FGF10: variants seen among roughly 807,000 people sequenced by gnomAD.
The protein encoded by FGF10 is fibroblast growth factor 10.
A neutral mutation model predicts 19.8 loss-of-function variants in FGF10; 2 were observed. The ratio of observed to expected loss-of-function variants is 0.10; its 90% CI spans 0.04 to 0.32. The LOEUF (loss-of-function observed/expected upper bound fraction) is 0.32, where lower values mean the gene tolerates loss of function less well. FGF10 is among the 10% of genes least tolerant of loss of function. The probability of loss-of-function intolerance (pLI) is 1.00; values close to 1 mark genes in which losing one functional copy is unlikely to be tolerated. For synonymous variants in FGF10, 112 were observed against 94.0 expected (o/e 1.19, Z -1.10); for missense variants, 191 against 246.3 (o/e 0.78, Z 1.50).
At chr5:44,387,736 G>A (rs1450326008) in intron 1 of FGF10, among the ~76,000 whole-genome samples, 2 of 151,410 alleles carry the variant, frequency 1.3e-5, no homozygotes, top group Non-Finnish European at 2.9e-5. Context: ...ACTAACATAA[G>A]GGACCCAAAA....
At position 44,305,224 on chromosome 5, in the gene FGF10, A is replaced by G. The variant is rs200054156; in HGVS notation, c.430-32T>C. On this transcript the variant is annotated intron_variant, in intron 2 of 2. Coordinates refer to ENST00000264664, the MANE Select transcript of FGF10 (RefSeq NM_004465.2). ...AGGAAAAACAGAATCTTTTATTCCTATGGTGATTGTACTTGATTTCATTTG... is the reference window on the plus strand; with the variant it reads ...AGGAAAAACAGAATCTTTTATTCCTGTGGTGATTGTACTTGATTTCATTTG... 2.7e-5 allele frequency: 43 copies of G among 1,587,562 alleles called. No individual in the cohort carries two copies. In the African/African-American group the frequency reaches 4.6e-4, roughly 17 times the overall value.
chr5:44,305,213 C>G lies in FGF10; in HGVS notation c.430-21G>C, dbSNP rs201506766. ...TCTTTCTGCAAAGGAAAAACAGAAT[C>G]TTTTATTCCTATGGTGATTGTACTT... On this transcript the variant is annotated intron_variant, in intron 2 of 2. Coordinates refer to ENST00000264664, the MANE Select transcript of FGF10 (RefSeq NM_004465.2). 5 of 1,601,822 alleles carry G rather than the reference C, an allele frequency of 3.1e-6. No homozygotes were observed. The South Asian group carries it at 3.3e-5, about 11-fold the overall frequency.
intron 1 of FGF10, among the ~76,000 whole-genome samples, chr5:44,354,594 C>A (rs907592176): frequency 6.6e-6 from 1 of 151,420 alleles, no homozygotes; most frequent in African/African-American, 2.4e-5. Context: ...AACTTTCTAT[C>A]CTGCTCAGAA....
chr5:44,316,710 G>A (rs1413700394), intron 1 of FGF10, among the ~76,000 whole-genome samples: 1 of 152,138 alleles, frequency 6.6e-6, no homozygotes, highest in African/African-American at 2.4e-5. Flanking sequence ...TTTAAACAAT[G>A]TGGAAAATTA....
Position 44,382,833 on chromosome 5 carries a change from G to C in FGF10, c.325+5525C>G, listed in dbSNP as rs527338877. Reference sequence around the variant, plus strand: ...AAAATAGATTTATAATTTCTGGAAGGAAAATTCTAATATTTTACTTATATT... The same window carrying C: ...AAAATAGATTTATAATTTCTGGAAGCAAAATTCTAATATTTTACTTATATT... On this transcript the variant is annotated intron_variant, in intron 1 of 2. Transcript: ENST00000264664. Among the ~76,000 whole-genome samples, 9 of 152,080 alleles carry C rather than the reference G, an allele frequency of 5.9e-5. No homozygotes were observed. The South Asian group carries it at 1.9e-3, about 32-fold the overall frequency.
intron 1 of FGF10, among the ~76,000 whole-genome samples, chr5:44,339,126 A>C (rs1455219170): frequency 6.6e-6 from 1 of 152,204 alleles, no homozygotes; most frequent in Non-Finnish European, 1.5e-5. Flanking sequence ...GAAAATTTCC[A>C]AAATATCTAA....
At chr5:44,331,378 A>G (rs189889596) in intron 1 of FGF10, among the ~76,000 whole-genome samples, 140 of 152,202 alleles carry the variant, frequency 9.2e-4, no homozygotes, top group Non-Finnish European at 1.6e-3. Context: ...ACATCCATAA[A>G]CTTCATGTGA....
chr5:44,315,753 A>G (rs1740331654), intron 1 of FGF10, among the ~76,000 whole-genome samples: 1 of 152,022 alleles, frequency 6.6e-6, no homozygotes, highest in Non-Finnish European at 1.5e-5. Flanking sequence ...CAGTGTCCTA[A>G]GTTCATCTAT....
rs1740005747 is a variant in FGF10, at chr5:44,303,486, A to G, written c.*1509T>C. 1 of 152,190 alleles carries G rather than the reference A, an allele frequency of 6.6e-6. No homozygotes were observed. The allele number at this position is 152,190 out of a possible 1,614,324, so 9.4% of individuals were successfully genotyped here. A position where few individuals can be genotyped will look rare whatever the true frequency, so the allele number is the denominator to read the frequency against. On this transcript the variant is annotated 3_prime_UTR_variant, in exon 3 of 3. Coordinates refer to ENST00000264664, the MANE Select transcript of FGF10 (RefSeq NM_004465.2). ...ACTATTATAGTTATTGCTTAAAAGT[A>G]TTTAGAACAAATAGTATTTTTCTAC...
intron 2 of FGF10, among the ~76,000 whole-genome samples, chr5:44,306,764 CT>C (rs887775321): frequency 2.6e-5 from 4 of 152,270 alleles, no homozygotes; most frequent in African/African-American, 9.6e-5. Context: ...TTAAATGCTT[CT>C]CTTCTATAAA....
intron 1 of FGF10, among the ~76,000 whole-genome samples, chr5:44,348,337 G>T (rs879585257): frequency 2.0e-5 from 3 of 151,618 alleles, no homozygotes; most frequent in Admixed American, 6.6e-5. Context: ...TTACTAATGG[G>T]ATAGTCTTGC....
chr5:44,315,197 A>C (rs79053451), intron 1 of FGF10, among the ~76,000 whole-genome samples: 2 of 142,130 alleles, frequency 1.4e-5, no homozygotes, highest in Admixed American at 1.4e-4. Context: ...AAAAAAAAAA[A>C]CCAGAAAGAA....
chr5:44,311,204 A>T (rs1027263230), intron 1 of FGF10, among the ~76,000 whole-genome samples: 1 of 152,000 alleles, frequency 6.6e-6, no homozygotes, highest in Non-Finnish European at 1.5e-5. Flanking sequence ...AAAAATGGAA[A>T]ATCGAGGGAA....
intron 1 of FGF10, among the ~76,000 whole-genome samples, chr5:44,366,991 G>T (rs1021212607): frequency 6.6e-6 from 1 of 151,878 alleles, no homozygotes; most frequent in African/African-American, 2.4e-5. Flanking sequence ...ATGTCTTCAG[G>T]CAGTTTGGCA....
chr5:44,380,444 T>C (rs1741959909), intron 1 of FGF10, among the ~76,000 whole-genome samples: 2 of 152,236 alleles, frequency 1.3e-5, no homozygotes, highest in South Asian at 4.1e-4. Flanking sequence ...CAAAAATTCC[T>C]AGTAAAGGCA....
At chr5:44,311,845 T>C (rs968691856) in intron 1 of FGF10, among the ~76,000 whole-genome samples, 3 of 152,128 alleles carry the variant, frequency 2.0e-5, no homozygotes, top group Non-Finnish European at 4.4e-5. Flanking sequence ...ACAGATTATA[T>C]GTTTTCACTC....
At chr5:44,372,425 C>T (rs1242565470) in intron 1 of FGF10, among the ~76,000 whole-genome samples, 1 of 152,120 alleles carries the variant, frequency 6.6e-6, no homozygotes, top group Non-Finnish European at 1.5e-5. Context: ...ATCTCCTCAT[C>T]TCAAAATCCT....
chr5:44,382,927 T>G (rs1389758577), intron 1 of FGF10, among the ~76,000 whole-genome samples: 1 of 152,154 alleles, frequency 6.6e-6, no homozygotes, highest in Non-Finnish European at 1.5e-5. Flanking sequence ...TCTGAATTAC[T>G]CTTCATTGCA....
chr5:44,353,428 T>A (rs190195412), intron 1 of FGF10, among the ~76,000 whole-genome samples: 121 of 151,778 alleles, frequency 8.0e-4, no homozygotes, highest in African/African-American at 2.8e-3. Flanking sequence ...CAGTTTCCAA[T>A]AAAACTGTTG....
Sources: gnomAD v4.1 joint callset for allele counts (sites outside exome capture counted in the v4.1 genomes callset) on GRCh38, gnomAD v4.1.1 for gene constraint, MANE v1.5 for transcripts, NCBI Gene and HGNC (gene_info 2026-07-23, HGNC 2026-07-21) for gene names.